The following INMT variants were observed in gnomAD, a reference collection of about 807,000 sequenced individuals.
INMT encodes indolethylamine N-methyltransferase, also known as amine N-methyltransferase.
Under a neutral mutation model 11.5 loss-of-function variants are expected in INMT, and 11 were observed. The ratio of observed to expected loss-of-function variants is 0.95; its 90% CI spans 0.60 to 1.58. INMT has a LOEUF of 1.58. Ranked by LOEUF, INMT falls within the 40% of genes most tolerant of loss-of-function variation. The pLI is 0.00. For missense variants in INMT, 316 were observed against 336.1 expected, an observed-to-expected ratio of 0.94 and a Z score of 0.47; for synonymous variants, 155 against 142.9, an observed-to-expected ratio of 1.08 and a Z score of -0.60.
intron 1 of INMT, 77 bp from the exon 2 acceptor site, chr7:30,753,654 G>C: frequency 7.4e-7 from 1 of 1,343,948 alleles, no homozygotes; most frequent in Non-Finnish European, 1.1e-6. Context: ...TAAGACCAGG[G>C]TGTGTGTCCT....
rs1183918994 is a variant in INMT, at chr7:30,754,085, G to A, written c.362+147G>A. Reference sequence around the variant, plus strand: ...GTCCTGTGGTGGGGATAGAGTAGATGGAATCCCAAGTTTCAGGATTACAGC... The same window carrying A: ...GTCCTGTGGTGGGGATAGAGTAGATAGAATCCCAAGTTTCAGGATTACAGC... On this transcript the variant is annotated intron_variant, in intron 2 of 2. Transcript: ENST00000013222. The surrounding 1 kb of genome is among the most constrained non-coding windows in gnomAD (Gnocchi z 4.9). 2 of 768,364 alleles carry A rather than the reference G, an allele frequency of 2.6e-6. No individual in the cohort carries two copies. Among genetic ancestry groups the A allele is most frequent in the Non-Finnish European group, 4.2e-6 (2 of 477,980 alleles). 47.6% of individuals were successfully genotyped at this position (768,364 alleles called of 1,614,324 possible).
intron 1 of INMT, among the ~76,000 whole-genome samples, chr7:30,752,864 T>C (rs1786120274): frequency 6.6e-6 from 1 of 152,182 alleles, no homozygotes; most frequent in Middle Eastern, 3.2e-3. Flanking sequence ...TGTCTCCCGA[T>C]GATCACTGCC....
chr7:30,753,968 C>T (rs372631029), intron 2 of INMT, 30 bp downstream of exon 2: 15 of 1,602,232 alleles, frequency 9.4e-6, no homozygotes, highest in Admixed American at 6.7e-5. Context: ...GGAGGGGGTT[C>T]CCAGTCAACC....
Position 30,753,954 on chromosome 7 carries a change from T to C in INMT, c.362+16T>C, listed in dbSNP as rs994085935. 6.2e-7 allele frequency: 1 copy of C among 1,610,582 alleles called. No homozygotes were observed. On this transcript the variant is annotated intron_variant, in intron 2 of 2. Coordinates refer to ENST00000013222, the MANE Select transcript of INMT (RefSeq NM_006774.5). ...AAGGAAACAGGTAGGGGTGCAGAGG[T>C]TGGGGAGGGGGTTCCCAGTCAACCT...
At position 30,752,160 on chromosome 7, in the gene INMT, G is replaced by A. The variant is rs1562831561; in HGVS notation, c.10G>A (p.Gly4Ser). Residue 4 changes from glycine to serine, a missense_variant, in exon 1 of 3, where the codon GGC becomes AGC. Transcript: ENST00000013222. The part of the protein sequence containing the change: MKG[G>S]FTGGDEYQKH... ...ACATTTCAGGGACACCATGAAGGGT[G>A]GCTTCACTGGGGGTGATGAGTACCA... 6.2e-7 allele frequency: 1 copy of A among 1,613,982 alleles called. No homozygotes were observed.
chr7:30,752,252 G>C lies in INMT; in HGVS notation c.102G>C (p.Glu34Asp), dbSNP rs1309446288. Residue 34 changes from glutamate (E) to aspartate (D), a missense_variant, in exon 1 of 3, where the codon GAG (glutamate) becomes GAC (aspartate). By Grantham distance (45) the Glu-to-Asp change is conservative (BLOSUM62 2). Transcript: ENST00000013222. ...GCTTCGATGGCAGCCCCTCACCCGA[G>C]GCCGAGATGCTGAAGTTTAACTTGG... ...YYSFDGSPSP[E>D]AEMLKFNLEC... 3.1e-6 allele frequency: 5 copies of C among 1,614,016 alleles called. No individual in the cohort carries two copies. Among genetic ancestry groups the C allele is most frequent in the Non-Finnish European group, 4.2e-6 (5 of 1,180,012 alleles).
At position 30,756,075 on chromosome 7, in the gene INMT, A is replaced by T; in HGVS notation, c.*224A>T. On this transcript the variant is annotated 3_prime_UTR_variant, in exon 3 of 3. Coordinates refer to ENST00000013222, the MANE Select transcript of INMT (RefSeq NM_006774.5). ...GGAATTTTCCATTTTCTAATATACT[A>T]AGCCTTACAGCTATCTTAGATGCGA... is the stretch of plus-strand genomic sequence containing the variant. The T allele has an allele frequency of 7.3e-7, 1 of 1,370,616 alleles. No individual in the cohort carries two copies. The highest frequency in any genetic ancestry group is 1.8e-5 in the South Asian group (1 of 56,272). The allele number at this position is 1,370,616 out of a possible 1,614,324, so 84.9% of individuals were successfully genotyped here. A position where few individuals can be genotyped will look rare whatever the true frequency, so the allele number is the denominator to read the frequency against.
rs940591389 is a variant in INMT, at chr7:30,756,966, T to C, written c.*1115T>C. On this transcript the variant is annotated 3_prime_UTR_variant, in exon 3 of 3. Coordinates refer to ENST00000013222, the MANE Select transcript of INMT (RefSeq NM_006774.5). ...CCCAGTTCATTGAATTTTAGATAAATGAAATAAATCTATAAGGTTAAGTAT... is the reference window on the plus strand; with the variant it reads ...CCCAGTTCATTGAATTTTAGATAAACGAAATAAATCTATAAGGTTAAGTAT... The C allele has an allele frequency of 6.6e-6, 1 of 152,240 alleles. No homozygotes were observed. Among genetic ancestry groups the C allele is most frequent in the African/African-American group, 2.4e-5 (1 of 41,466 alleles). 9.4% of individuals were successfully genotyped at this position (152,240 alleles called of 1,614,324 possible).
At chr7:30,752,523 C>T (rs951861042) in intron 1 of INMT, among the ~76,000 whole-genome samples, 1 of 152,120 alleles carries the variant, frequency 6.6e-6, no homozygotes, top group Admixed American at 6.5e-5. Flanking sequence ...CTGAAGAGCA[C>T]AGCCCCGTGC....
chr7:30,755,907 G>A lies in INMT; in HGVS notation c.*56G>A. 6.5e-7 allele frequency: 1 copy of A among 1,548,904 alleles called. No individual in the cohort carries two copies. The highest frequency in any genetic ancestry group is 1.2e-5 in the South Asian group (1 of 82,872). On this transcript the variant is annotated 3_prime_UTR_variant, in exon 3 of 3. Coordinates refer to ENST00000013222, the MANE Select transcript of INMT (RefSeq NM_006774.5). Reference sequence around the variant, plus strand: ...GCTGTGAGGCCTTGGCCATCTGTATGCTAGAGAGGGGTGAGGAATGGATAC... The same window carrying A: ...GCTGTGAGGCCTTGGCCATCTGTATACTAGAGAGGGGTGAGGAATGGATAC...
chr7:30,754,034 T>C lies in INMT; in HGVS notation c.362+96T>C, dbSNP rs1300603705. ...GTTGTCTCTGACATTTTCAGGACAG[T>C]AGGACCTTCAGGTATAGGACCAGAT... On this transcript the variant is annotated intron_variant, in intron 2 of 2. Transcript: ENST00000013222. The surrounding 1 kb of genome is among the most constrained non-coding windows in gnomAD (Gnocchi z 4.9). The C allele has an allele frequency of 4.8e-6, 6 of 1,262,920 alleles. No individual in the cohort carries two copies. Among genetic ancestry groups the C allele is most frequent in the Non-Finnish European group, 6.7e-6 (6 of 891,630 alleles). 78.2% of individuals were successfully genotyped at this position (1,262,920 alleles called of 1,614,324 possible).
rs2240822 is a variant in INMT at position 30,752,231 on chromosome 7, C to T, written c.81C>T (p.Phe27=). 9,005 of 1,614,104 alleles carry T rather than the reference C, an allele frequency of 5.6e-3. 680 individuals are homozygous for T. The East Asian group carries it at 0.17, about 31-fold the overall frequency. ...ACTACTTGGCTACTTACTACAGCTT[C>T]GATGGCAGCCCCTCACCCGAGGCCG... ...PRDYLATYYS[F]DGSPSPEAEM... Residue 27 remains phenylalanine, a synonymous_variant, in exon 1 of 3, where the codon TTC becomes TTT. Transcript: ENST00000013222.
At position 30,755,405 on chromosome 7, in the gene INMT, C is replaced by CCT. The variant is rs750831619; in HGVS notation, c.363-6_363-5dup. 7.1e-6 allele frequency: 11 copies of CCT among 1,544,072 alleles called. No homozygotes were observed. Among genetic ancestry groups the CCT allele is most frequent in the East Asian group, 4.7e-5 (2 of 42,936 alleles). On this transcript the variant is annotated splice_polypyrimidine_tract_variant and intron_variant, in intron 2 of 2. Coordinates refer to ENST00000013222, the MANE Select transcript of INMT (RefSeq NM_006774.5). ...GAACCTCAAAGGGCCTCCCCGACTC[C>CCT]CTCTCTCTCTCTGCAGCGGCCGATG...
At position 30,754,917 on chromosome 7, in the gene INMT, AT is replaced by A; in HGVS notation, c.363-498del. On this transcript the variant is annotated intron_variant, in intron 2 of 2. Coordinates refer to ENST00000013222, the MANE Select transcript of INMT (RefSeq NM_006774.5). The surrounding 1 kb of genome is among the most constrained non-coding windows in gnomAD (Gnocchi z 4.9). ...TGCTTATCATTCCCTTTTTCAAAAA[AT>A]TTTTTTCTTGCATACTTATGTATAT... Among the ~76,000 whole-genome samples, 1 of 152,124 alleles carries A rather than the reference AT, an allele frequency of 6.6e-6. No individual in the cohort carries two copies. The highest frequency in any genetic ancestry group is 2.4e-5 in the African/African-American group (1 of 41,462).
rs147050778 is a variant in INMT at position 30,753,882 on chromosome 7, G to A, written c.306G>A (p.Pro102=). The A allele has an allele frequency of 9.9e-6, 16 of 1,614,048 alleles. No homozygotes were observed. Among genetic ancestry groups the A allele is most frequent in the African/African-American group, 1.3e-5 (1 of 74,926 alleles). The part of the protein sequence containing the change: ...EELEKWLKKE[P]GAYDWTPAVK... The stretch of plus-strand genomic sequence containing the variant: ...TGGAAAAGTGGCTGAAGAAGGAGCC[G>A]GGGGCCTATGACTGGACCCCAGCGG... The change falls in exon 2 of 3, where the codon CCG becomes CCA. Residue 102 remains proline, a synonymous_variant. Coordinates refer to ENST00000013222, the MANE Select transcript of INMT (RefSeq NM_006774.5).
At position 30,755,460 on chromosome 7, in the gene INMT, C is replaced by A. The variant is rs138101791; in HGVS notation, c.401C>A (p.Ala134Glu). The change falls in exon 3 of 3, where the codon GCG becomes GAG. Residue 134 changes from alanine (A) to glutamate (E), a missense_variant. Coordinates refer to ENST00000013222, the MANE Select transcript of INMT (RefSeq NM_006774.5). ...GAGAAGGAGGAGAAGCTGCGGGCAG[C>A]GGTGAAGCGGGTGCTCAAGTGCGAT... The part of the protein sequence containing the change: ...WEEKEEKLRA[A>E]VKRVLKCDVH... 5 of 1,599,706 alleles carry A rather than the reference C, an allele frequency of 3.1e-6. No homozygotes were observed. The African/African-American group carries it at 6.7e-5, about 21-fold the overall frequency.
At position 30,755,542 on chromosome 7, in the gene INMT, C is replaced by A. The variant is rs1200537070; in HGVS notation, c.483C>A (p.Leu161=). The A allele has an allele frequency of 6.2e-7, 1 of 1,612,534 alleles. No individual in the cohort carries two copies. Among genetic ancestry groups the A allele is most frequent in the Non-Finnish European group, 8.5e-7 (1 of 1,180,018 alleles). The part of the protein sequence containing the change: ...PAVLPLADCV[L]TLLAMECACC... ...TGTTGCCTCTCGCCGACTGTGTGCT[C>A]ACCCTGCTGGCCATGGAGTGTGCCT... Residue 161 remains leucine, a synonymous_variant, in exon 3 of 3, where the codon CTC becomes CTA. Transcript: ENST00000013222.
In INMT at chr7:30,755,737, G is replaced by A; in HGVS notation, c.678G>A (p.Leu226=). ...LEKEEVEQAV[L]DAGFDIEQLL... is the part of the protein sequence containing the mutation. ...AAGAGGAGGTGGAGCAGGCTGTCCT[G>A]GATGCTGGCTTTGACATTGAACAGC... Residue 226 remains leucine (L), a synonymous_variant, in exon 3 of 3, where the codon CTG becomes CTA. Transcript: ENST00000013222. 1 of 1,614,202 alleles carries A rather than the reference G, an allele frequency of 6.2e-7. No individual in the cohort carries two copies. The highest frequency in any genetic ancestry group is 8.5e-7 in the Non-Finnish European group (1 of 1,180,032).
chr7:30,755,665 G>T lies in INMT; in HGVS notation c.606G>T (p.Pro202=). 9 of 1,614,206 alleles carry T rather than the reference G, an allele frequency of 5.6e-6. No homozygotes were observed. Among genetic ancestry groups the T allele is most frequent in the Non-Finnish European group, 7.6e-6 (9 of 1,180,028 alleles). ...HLVTTVTLRL[P]SYMVGKREFS... ...TGACCACTGTCACGCTTCGGCTCCC[G>T]TCCTACATGGTGGGGAAGCGTGAAT... The change falls in exon 3 of 3, where the codon CCG becomes CCT. Residue 202 remains proline, a synonymous_variant. Transcript: ENST00000013222.
Sources: allele counts gnomAD v4.1 joint callset (sites outside exome capture counted in the v4.1 genomes callset), GRCh38; gene constraint gnomAD v4.1.1; non-coding constraint Gnocchi (gnomAD v3.1); transcripts MANE v1.5; gene names NCBI Gene and HGNC (gene_info 2026-07-23, HGNC 2026-07-21).